The following CPNE5 variants were observed in gnomAD, a reference collection of about 807,000 sequenced individuals.
CPNE5 encodes copine 5, also known as copine-5.
CPNE5 carries 42 observed loss-of-function variants against 81.1 expected under a neutral mutation model. The ratio of observed to expected loss-of-function variants is 0.52; its 90% confidence interval spans 0.40 to 0.67. CPNE5 has a LOEUF of 0.67. Among genes scored for constraint, CPNE5 ranks in the 30% least tolerant of loss-of-function variants. The pLI, the probability that CPNE5 is intolerant of heterozygous loss-of-function variation, is 0.00. For synonymous variants in CPNE5, 313 were observed against 321.5 expected, an observed-to-expected ratio of 0.97 and a Z score of 0.28; for missense variants, 612 against 815.5, an observed-to-expected ratio of 0.75 and a Z score of 3.04.
chr6:36,833,566 C>G (rs1330764147), intron 1 of CPNE5, among the ~76,000 whole-genome samples: 1 of 152,228 alleles, frequency 6.6e-6, no homozygotes, highest in Non-Finnish European at 1.5e-5. Context: ...AGCTGCCATG[C>G]TGTGAGGGGG....
chr6:36,768,772 G>A (rs1766802607), intron 10 of CPNE5, among the ~76,000 whole-genome samples: 1 of 152,214 alleles, frequency 6.6e-6, no homozygotes, highest in Admixed American at 6.5e-5. Context: ...CAAAGGCTCA[G>A]GACAGAGGCC....
chr6:36,748,275 A>T lies in CPNE5; in HGVS notation c.972-8T>A, dbSNP rs767241398. ...GTGAAGTTGATCTGGGTCCTAGAAG[A>T]GGGAGAACAGCAGGGGAGTCACCTG... On this transcript the variant is annotated splice_polypyrimidine_tract_variant and splice_region_variant and intron_variant, in intron 14 of 20. Coordinates refer to ENST00000244751, the MANE Select transcript of CPNE5 (RefSeq NM_020939.2). 3.1e-6 allele frequency: 5 copies of T among 1,613,884 alleles called. No individual in the cohort carries two copies. Among genetic ancestry groups the T allele is most frequent in the Non-Finnish European group, 4.2e-6 (5 of 1,179,932 alleles).
At chr6:36,814,236 G>A (rs947380798) in intron 3 of CPNE5, among the ~76,000 whole-genome samples, 1 of 152,124 alleles carries the variant, frequency 6.6e-6, no homozygotes, top group African/African-American at 2.4e-5. Context: ...GTGGAGGAAC[G>A]CAGTACTCCA....
intron 8 of CPNE5, 61 bp from the exon 9 acceptor site, chr6:36,779,018 A>G: frequency 8.5e-7 from 1 of 1,176,276 alleles, no homozygotes; most frequent in East Asian, 2.4e-5. Flanking sequence ...CAGCTCCCAG[A>G]CCCCGGCAAG....
At chr6:36,784,447 T>C (rs376454207) in intron 8 of CPNE5, among the ~76,000 whole-genome samples, 40 of 152,300 alleles carry the variant, frequency 2.6e-4, no homozygotes, top group African/African-American at 9.4e-4. Context: ...CTGCCTTTCG[T>C]CAACAGTCAT....
chr6:36,750,378 C>T (rs1764676181), intron 14 of CPNE5, among the ~76,000 whole-genome samples: 1 of 152,156 alleles, frequency 6.6e-6, no homozygotes, highest in African/African-American at 2.4e-5. Context: ...ACATGGTTAG[C>T]AGGAGACCCC....
intron 6 of CPNE5, among the ~76,000 whole-genome samples, chr6:36,796,022 C>T (rs1367721650): frequency 6.6e-6 from 1 of 152,170 alleles, no homozygotes; most frequent in Non-Finnish European, 1.5e-5. Flanking sequence ...AATCTCAGCT[C>T]ACTGCAACCT....
chr6:36,825,628 C>T (rs1490881642), intron 1 of CPNE5, among the ~76,000 whole-genome samples: 1 of 152,232 alleles, frequency 6.6e-6, no homozygotes, highest in Non-Finnish European at 1.5e-5. Flanking sequence ...AACAAGGCAT[C>T]TCTGAGAAGT....
At chr6:36,756,111 C>CCCACA in intron 13 of CPNE5, 134 bp downstream of exon 13, 3 of 520,750 alleles carry the variant, frequency 5.8e-6, no homozygotes, top group South Asian at 2.0e-5. Flanking sequence ...CCTCCCCACC[C>CCCACA]CATCTCTCTT....
At chr6:36,825,107 G>T (rs1056842010) in intron 1 of CPNE5, among the ~76,000 whole-genome samples, 2 of 152,220 alleles carry the variant, frequency 1.3e-5, no homozygotes, top group Admixed American at 1.3e-4. Flanking sequence ...CTAGAAGGAG[G>T]CCTTACCCTG....
chr6:36,835,799 C>T (rs1773447593), intron 1 of CPNE5, among the ~76,000 whole-genome samples: 2 of 148,742 alleles, frequency 1.3e-5, no homozygotes, highest in South Asian at 4.3e-4. Flanking sequence ...GCAAAAACTC[C>T]GTCTCAAAAA....
At chr6:36,794,406 G>A (rs3734335) in intron 7 of CPNE5, among the ~76,000 whole-genome samples, 184 bp downstream of exon 7, 6,497 of 152,234 alleles carry the variant, frequency 0.043, 238 homozygotes, top group South Asian at 0.16. Context: ...ACTGCCGAGT[G>A]GGGGCCTCTG....
intron 15 of CPNE5, among the ~76,000 whole-genome samples, chr6:36,747,259 C>A (rs540341954): frequency 1.3e-5 from 2 of 150,600 alleles, no homozygotes; most frequent in Admixed American, 1.3e-4. Context: ...ATTTCCCCCC[C>A]CAGAGCCCTC....
At chr6:36,792,290 G>C (rs571005510) in intron 7 of CPNE5, 194 bp from the exon 8 acceptor site, 3 of 1,470,710 alleles carry the variant, frequency 2.0e-6, no homozygotes, top group Non-Finnish European at 2.8e-6. Flanking sequence ...TCCTGGGACC[G>C]GGTCCCCGAG....
chr6:36,834,284 G>A (rs1583060160), intron 1 of CPNE5, among the ~76,000 whole-genome samples: 30 of 70,500 alleles, frequency 4.3e-4, no homozygotes, highest in South Asian at 1.3e-3. Flanking sequence ...AAAAAGGAAG[G>A]AAGGGAGGGA....
chr6:36,820,334 TC>T (rs555224429), intron 3 of CPNE5, among the ~76,000 whole-genome samples: 1 of 129,090 alleles, frequency 7.7e-6, no homozygotes, highest in African/African-American at 2.8e-5. Flanking sequence ...CCTAATCCAT[TC>T]TTTTTTTTTT....
chr6:36,756,362 C>G, intron 12 of CPNE5, 64 bp from the exon 13 acceptor site: 1 of 1,389,696 alleles, frequency 7.2e-7, no homozygotes, highest in Non-Finnish European at 1.0e-6. Flanking sequence ...GTCTTGAGGG[C>G]TTCCAACCAC....
chr6:36,760,549 G>A (rs921800175), intron 12 of CPNE5, among the ~76,000 whole-genome samples: 1 of 152,188 alleles, frequency 6.6e-6, no homozygotes, highest in African/African-American at 2.4e-5. Context: ...GTGGTGGCCT[G>A]AGATGAGGGG....
At chr6:36,780,710 T>C (rs547388616) in intron 8 of CPNE5, among the ~76,000 whole-genome samples, 1 of 152,318 alleles carries the variant, frequency 6.6e-6, no homozygotes, top group African/African-American at 2.4e-5. Context: ...CTCGGGGACA[T>C]CTGATGACAA....
Sources: allele counts gnomAD v4.1 joint callset (sites outside exome capture counted in the v4.1 genomes callset), GRCh38; gene constraint gnomAD v4.1.1; transcripts MANE v1.5; gene names NCBI Gene and HGNC (gene_info 2026-07-23, HGNC 2026-07-21).